Variants in MYZAP observed in about 807,000 individuals in gnomAD.
MYZAP encodes the protein myocardial zonula adherens protein, also known as GRINL1A complex locus upstream.
Under a neutral mutation model 69.4 loss-of-function variants are expected in MYZAP, and 66 were observed. The ratio of observed to expected loss-of-function variants is 0.95; its 90% CI spans 0.78 to 1.17. The LOEUF (loss-of-function observed/expected upper bound fraction) is 1.17. Among genes scored for constraint, MYZAP ranks in the 50% most tolerant of loss-of-function variants. MYZAP has a pLI of 0.00. For synonymous variants in MYZAP, 256 were observed against 205.9 expected, an observed-to-expected ratio of 1.24 and a Z score of -2.09; for missense variants, 611 against 556.2, an observed-to-expected ratio of 1.10 and a Z score of -0.99.
At chr15:57,620,718 C>G (rs1179782617) in intron 3 of MYZAP, among the ~76,000 whole-genome samples, 3 of 152,280 alleles carry the variant, frequency 2.0e-5, no homozygotes, top group South Asian at 4.1e-4. Context: ...TTACTTCCTT[C>G]CATTCCAGAT....
At chr15:57,679,962 A>G (rs1697949953) in intron 12 of MYZAP, among the ~76,000 whole-genome samples, 1 of 152,052 alleles carries the variant, frequency 6.6e-6, no homozygotes. Flanking sequence ...TGGAAGTTAG[A>G]CCTGGGTTTG....
intron 10 of MYZAP, chr15:57,648,533 T>G: frequency 1.0e-6 from 1 of 957,466 alleles, no homozygotes; most frequent in Non-Finnish European, 1.2e-6. Flanking sequence ...ATTCGCCCAG[T>G]TTTTTAAGCA....
intron 2 of MYZAP, among the ~76,000 whole-genome samples, chr15:57,608,479 T>C (rs1274894912): frequency 6.6e-6 from 1 of 152,166 alleles, no homozygotes; most frequent in African/African-American, 2.4e-5. Context: ...AGGTTTCCTA[T>C]CCCTAAGGCA....
intron 5 of MYZAP, among the ~76,000 whole-genome samples, chr15:57,626,619 A>G (rs773922577): frequency 6.6e-6 from 1 of 152,244 alleles, no homozygotes; most frequent in Non-Finnish European, 1.5e-5. Context: ...TTCCAAATGT[A>G]TGAACAACAG....
chr15:57,667,652 G>T (rs2038647295), intron 11 of MYZAP, among the ~76,000 whole-genome samples: 1 of 152,134 alleles, frequency 6.6e-6, no homozygotes, highest in Non-Finnish European at 1.5e-5. Flanking sequence ...TCTTAAATCT[G>T]TCCCACGCTC....
At chr15:57,597,671 A>T (rs1175359297) in intron 1 of MYZAP, among the ~76,000 whole-genome samples, 1 of 152,218 alleles carries the variant, frequency 6.6e-6, no homozygotes, top group African/African-American at 2.4e-5. Flanking sequence ...AATGTTTTGT[A>T]TGCCTCTGAG....
At chr15:57,619,701 G>A (rs2934436) in intron 3 of MYZAP, among the ~76,000 whole-genome samples, 122,208 of 152,212 alleles carry the variant, frequency 0.8, 49,622 homozygotes, top group East Asian at 0.93. Context: ...TGAATTTCCT[G>A]TTAAGAATAG....
chr15:57,664,230 G>A (rs1212174940), intron 11 of MYZAP, among the ~76,000 whole-genome samples: 1 of 152,006 alleles, frequency 6.6e-6, no homozygotes, highest in Non-Finnish European at 1.5e-5. Flanking sequence ...AGAGGATGTG[G>A]GTTACATAGG....
Position 57,600,672 on chromosome 15 carries a change from T to A in MYZAP, c.76-3597T>A, listed in dbSNP as rs372199061. ...ACCAACCGAAAGTCATCACTTACAG[T>A]GTTAATGTCTCTGATTCATTGACCA... On this transcript the variant is annotated intron_variant, in intron 1 of 12. Coordinates refer to ENST00000267853, the MANE Select transcript of MYZAP (RefSeq NM_001018100.5). Among the ~76,000 whole-genome samples, 35 of 152,212 alleles carry A rather than the reference T, an allele frequency of 2.3e-4. 3 individuals are homozygous for A. Among genetic ancestry groups the A allele is most frequent in the Admixed American group, 1.6e-3 (24 of 15,286 alleles).
At chr15:57,631,237 G>A (rs1294806235) in intron 6 of MYZAP, among the ~76,000 whole-genome samples, 2 of 152,126 alleles carry the variant, frequency 1.3e-5, no homozygotes, top group Non-Finnish European at 2.9e-5. Flanking sequence ...TTTATTGAGT[G>A]TCTACTCTAT....
chr15:57,644,130 T>G (rs1393404369), intron 10 of MYZAP, among the ~76,000 whole-genome samples: 1 of 152,194 alleles, frequency 6.6e-6, no homozygotes, highest in Non-Finnish European at 1.5e-5. Context: ...TGCAAGTGAT[T>G]CTAATATACA....
chr15:57,673,390 C>T (rs1178246115), intron 11 of MYZAP, among the ~76,000 whole-genome samples: 2 of 151,764 alleles, frequency 1.3e-5, no homozygotes, highest in Admixed American at 6.6e-5. Context: ...TTGGAGAGTT[C>T]AGACATTGCT....
intron 1 of MYZAP, chr15:57,599,666 A>G (rs1217477999): frequency 7.8e-7 from 1 of 1,289,040 alleles, no homozygotes; most frequent in Non-Finnish European, 1.0e-6. Flanking sequence ...TCCGAGTTTC[A>G]GGAGACCATG....
chr15:57,652,360 T>A (rs1269299575), intron 10 of MYZAP, among the ~76,000 whole-genome samples: 1 of 152,250 alleles, frequency 6.6e-6, no homozygotes, highest in Non-Finnish European at 1.5e-5. Context: ...TCTTGTCATA[T>A]TTCTCTATGC....
intron 1 of MYZAP, among the ~76,000 whole-genome samples, chr15:57,603,196 T>C (rs938021264): frequency 1.2e-4 from 19 of 152,200 alleles, no homozygotes; most frequent in Admixed American, 1.2e-3. Context: ...CATGGTGACA[T>C]AGCTAATTAA....
chr15:57,593,188 G>GCATGCGCGCGCACACACACACACACA, intron 1 of MYZAP, among the ~76,000 whole-genome samples: 137 of 114,200 alleles, frequency 1.2e-3, no homozygotes, highest in Middle Eastern at 4.6e-3. Context: ...GTACACAGGC[G>GCATGCGCGCGCACACACACACACACA]CACACACACA....
chr15:57,600,235 T>C (rs1175603206), intron 1 of MYZAP, among the ~76,000 whole-genome samples: 1 of 152,218 alleles, frequency 6.6e-6, no homozygotes, highest in Non-Finnish European at 1.5e-5. Context: ...GAACAGCCAG[T>C]CCATCAGTGG....
intron 10 of MYZAP, chr15:57,648,304 C>A (rs565464748): frequency 3.0e-6 from 3 of 985,370 alleles, no homozygotes; most frequent in Admixed American, 1.2e-4. Flanking sequence ...AGGATATTTT[C>A]TTTGGAAATG....
intron 10 of MYZAP, among the ~76,000 whole-genome samples, chr15:57,657,537 C>T (rs1410774693): frequency 6.6e-6 from 1 of 152,008 alleles, no homozygotes; most frequent in African/African-American, 2.4e-5. Context: ...TTCCATTTTG[C>T]AGTATATTTG....
Sources: allele counts gnomAD v4.1 joint callset (sites outside exome capture counted in the v4.1 genomes callset), GRCh38; gene constraint gnomAD v4.1.1; transcripts MANE v1.5; gene names NCBI Gene and HGNC (gene_info 2026-07-23, HGNC 2026-07-21).